The following CAPN11 variants were observed in gnomAD, a reference collection of about 807,000 sequenced individuals.
CAPN11 encodes the protein calpain 11.
A neutral mutation model predicts 105.3 loss-of-function variants in CAPN11; 108 were observed. That is an observed-to-expected ratio of 1.03 (90% CI 0.88 to 1.20). CAPN11 has a LOEUF of 1.20. Ranked by LOEUF, CAPN11 falls within the 50% of genes most tolerant of loss-of-function variation. The pLI is 0.00. For synonymous variants in CAPN11, 329 were observed against 344.5 expected (o/e 0.96, Z 0.50); for missense variants, 883 against 924.8 (o/e 0.95, Z 0.59).
chr6:44,180,395 C>G, intron 14 of CAPN11, 65 bp from the exon 15 acceptor site: 1 of 1,474,964 alleles, frequency 6.8e-7, no homozygotes, highest in Middle Eastern at 2.3e-4. Context: ...ACCCCCAGAG[C>G]ACCCCACTAA....
chr6:44,183,989 C>G lies in CAPN11; in HGVS notation c.*57C>G. The G allele has an allele frequency of 6.5e-7, 1 of 1,544,122 alleles. No individual in the cohort carries two copies. The highest frequency in any genetic ancestry group is 8.8e-7 in the Non-Finnish European group (1 of 1,140,826). ...GCAGCAGCAGCAGCGAGGTTCTAGC[C>G]CAGGAGGGTGGGGTGCTTCTTGTAG... On this transcript the variant is annotated 3_prime_UTR_variant, in exon 23 of 23. Coordinates refer to ENST00000398776, the MANE Select transcript of CAPN11 (RefSeq NM_007058.4).
At chr6:44,165,401 TAA>T (rs919998592) in intron 1 of CAPN11, among the ~76,000 whole-genome samples, 10 of 152,196 alleles carry the variant, frequency 6.6e-5, no homozygotes, top group Admixed American at 5.9e-4. Flanking sequence ...CATGGGGAGA[TAA>T]AGTGATGTTT....
chr6:44,179,178 C>G (rs1307655779), intron 12 of CAPN11, among the ~76,000 whole-genome samples: 1 of 152,176 alleles, frequency 6.6e-6, no homozygotes, highest in Non-Finnish European at 1.5e-5. Context: ...AACTCTTTCA[C>G]TTTTCAGCCA....
Position 44,179,956 on chromosome 6 carries a change from A to G in CAPN11, c.1433A>G (p.Gln478Arg). ...CCACTTCCAGGATGCATATAGTTTC[A>G]GAACATTCAGGATGTCCACTTGAAG... ...FVLYAVPKEF[Q>R]NIQDVHLKKE... The change falls in exon 14 of 23, where the codon CAG becomes CGG. Residue 478 changes from glutamine to arginine, a missense_variant. Coordinates refer to ENST00000398776, the MANE Select transcript of CAPN11 (RefSeq NM_007058.4). 6.2e-7 allele frequency: 1 copy of G among 1,611,962 alleles called. No individual in the cohort carries two copies. The highest frequency in any genetic ancestry group is 1.3e-5 in the African/African-American group (1 of 75,004).
At chr6:44,182,318 T>TC (rs1773903165) in intron 19 of CAPN11, among the ~76,000 whole-genome samples, 1 of 106,786 alleles carries the variant, frequency 9.4e-6, no homozygotes, top group African/African-American at 4.4e-5. Context: ...CACACTCACA[T>TC]ACAGACACAA....
chr6:44,179,876 A>T, intron 13 of CAPN11, 76 bp from the exon 14 acceptor site: 1 of 1,211,974 alleles, frequency 8.3e-7, no homozygotes, highest in South Asian at 1.3e-5. Flanking sequence ...CTGCCCGGCC[A>T]GGCTGTTCAC....
intron 2 of CAPN11, 26 bp from the exon 3 acceptor site, chr6:44,169,255 T>C: frequency 6.3e-7 from 1 of 1,586,566 alleles, no homozygotes; most frequent in Non-Finnish European, 8.6e-7. Context: ...TTACTTGCGT[T>C]ATTTCTCTTT....
Position 44,180,478 on chromosome 6 carries a change from C to T in CAPN11, c.1659C>T (p.Asn553=), listed in dbSNP as rs756097179. The change falls in exon 15 of 23, where the codon AAC becomes AAT. Residue 553 remains asparagine, a synonymous_variant. Transcript: ENST00000398776. ...HSESWELDEV[N]YAEQLQEEKV... ...TGCCCAGGGAATTGGATGAAGTCAA[C>T]TATGCTGAGCAACTCCAAGAGGTGA... The T allele has an allele frequency of 1.5e-5, 25 of 1,613,484 alleles. No individual in the cohort carries two copies. Among genetic ancestry groups the T allele is most frequent in the Non-Finnish European group, 2.0e-5 (24 of 1,179,802 alleles).
intron 19 of CAPN11, among the ~76,000 whole-genome samples, chr6:44,182,231 T>A (rs1443368931): frequency 6.8e-5 from 3 of 44,304 alleles, no homozygotes; most frequent in Admixed American, 2.6e-4. Flanking sequence ...ACATACACAC[T>A]CACATACAGA....
chr6:44,180,295 G>A, intron 14 of CAPN11, 132 bp downstream of exon 14: 4 of 905,992 alleles, frequency 4.4e-6, no homozygotes, highest in East Asian at 2.6e-5. Context: ...GGCATGAGAA[G>A]GTGAAGTCCC....
intron 4 of CAPN11, 71 bp downstream of exon 4, chr6:44,170,046 T>C (rs1163902234): frequency 8.1e-7 from 1 of 1,236,976 alleles, no homozygotes; most frequent in Non-Finnish European, 1.2e-6. Flanking sequence ...GGGTGTCTTT[T>C]GAAGCTGGGA....
At chr6:44,181,819 C>A (rs1773565553) in intron 19 of CAPN11, among the ~76,000 whole-genome samples, 1 of 53,408 alleles carries the variant, frequency 1.9e-5, no homozygotes, top group African/African-American at 8.8e-5. Context: ...ACAGACACAA[C>A]CACACCACAC....
Position 44,181,449 on chromosome 6 carries a change from TCACACA to T in CAPN11, c.1938+143_1938+148del, listed in dbSNP as rs150427721. On this transcript the variant is annotated intron_variant, in intron 19 of 22. Coordinates refer to ENST00000398776, the MANE Select transcript of CAPN11 (RefSeq NM_007058.4). ...ACACACACACCCAACCACACCACAC[TCACACA>T]CACACACACACACTCACATACAGAC... is the stretch of plus-strand genomic sequence containing the variant. 289 of 293,308 alleles carry T rather than the reference TCACACA, an allele frequency of 9.9e-4. 40 individuals carry two copies. Among genetic ancestry groups the T allele is most frequent in the African/African-American group, 9.3e-3 (186 of 20,094 alleles). 18.2% of individuals were successfully genotyped at this position (293,308 alleles called of 1,614,324 possible). A position where few individuals can be genotyped will look rare whatever the true frequency, so the allele number is the denominator to read the frequency against.
At chr6:44,168,401 C>A (rs1385455366) in intron 2 of CAPN11, among the ~76,000 whole-genome samples, 1 of 152,096 alleles carries the variant, frequency 6.6e-6, no homozygotes, top group East Asian at 1.9e-4. Context: ...TCCCGAATAG[C>A]TGGGATTACA....
intron 5 of CAPN11, among the ~76,000 whole-genome samples, 190 bp downstream of exon 5, chr6:44,172,610 AGTT>A (rs2128303064): frequency 6.6e-6 from 1 of 152,314 alleles, no homozygotes; most frequent in African/African-American, 2.4e-5. Flanking sequence ...AAAAGAAAAT[AGTT>A]GTTAGCAATT....
intron 7 of CAPN11, among the ~76,000 whole-genome samples, chr6:44,175,340 C>T (rs1200555975): frequency 6.6e-6 from 1 of 151,918 alleles, no homozygotes; most frequent in Non-Finnish European, 1.5e-5. Context: ...ATTAGCTGGG[C>T]ATGGTGGCAA....
intron 12 of CAPN11, among the ~76,000 whole-genome samples, chr6:44,178,726 A>C (rs1772579449): frequency 6.8e-6 from 1 of 146,888 alleles, no homozygotes; most frequent in African/African-American, 2.6e-5. Flanking sequence ...CAGCCTGGGC[A>C]ACACAGCAAG....
intron 9 of CAPN11, 56 bp downstream of exon 9, chr6:44,176,394 G>A: frequency 9.3e-6 from 14 of 1,498,844 alleles, no homozygotes; most frequent in Non-Finnish European, 1.3e-5. Flanking sequence ...GGCGGTGCCA[G>A]GTGGACCGAC....
chr6:44,160,134 CA>C (rs1026786851), intron 1 of CAPN11, among the ~76,000 whole-genome samples: 1 of 145,126 alleles, frequency 6.9e-6, no homozygotes, highest in African/African-American at 2.5e-5. Context: ...GACTCCATCT[CA>C]AAAAAAAAAG....
Sources: gnomAD v4.1 joint callset for allele counts (sites outside exome capture counted in the v4.1 genomes callset) on GRCh38, gnomAD v4.1.1 for gene constraint, MANE v1.5 for transcripts, NCBI Gene and HGNC (gene_info 2026-07-23, HGNC 2026-07-21) for gene names.